Variants in TFDP2 observed in about 807,000 individuals in gnomAD.
The protein encoded by TFDP2 is transcription factor Dp-2, also known as transcription factor Dp-2 (E2F dimerization partner 2).
A neutral mutation model predicts 59.3 loss-of-function variants in TFDP2; 17 were observed. That is an observed-to-expected ratio of 0.29 (90% CI 0.20 to 0.43). The LOEUF is 0.43. Ranked by LOEUF, TFDP2 falls within the 20% of genes least tolerant of loss-of-function variation. The pLI, the probability that TFDP2 is intolerant of heterozygous loss-of-function variation, is 1.00. For missense variants in TFDP2, 391 were observed against 528.8 expected (o/e 0.74, Z 2.56); for synonymous variants, 180 against 194.7 (o/e 0.92, Z 0.63).
chr3:142,059,721 C>T (rs1019554639), intron 3 of TFDP2, among the ~76,000 whole-genome samples: 2 of 152,072 alleles, frequency 1.3e-5, no homozygotes, highest in South Asian at 2.1e-4. Context: ...CTGGGACTAC[C>T]AGCGTCGGCC....
intron 3 of TFDP2, among the ~76,000 whole-genome samples, chr3:142,010,875 C>G (rs1284139518): frequency 3.0e-5 from 4 of 133,118 alleles, no homozygotes; most frequent in African/African-American, 5.5e-5. Flanking sequence ...AAATGCAAAT[C>G]AAAACCACTA....
chr3:142,040,721 C>T (rs1016631266), intron 3 of TFDP2, among the ~76,000 whole-genome samples: 3 of 152,158 alleles, frequency 2.0e-5, no homozygotes, highest in South Asian at 2.1e-4. Context: ...TGAGCCATCA[C>T]GCCCAGCTAA....
At chr3:142,030,844 G>A (rs953967875) in intron 3 of TFDP2, among the ~76,000 whole-genome samples, 1 of 144,366 alleles carries the variant, frequency 6.9e-6, no homozygotes, top group Admixed American at 7.3e-5. Flanking sequence ...CCGGGTTCAC[G>A]CCATTCTCCT....
chr3:141,960,885 T>C (rs1576462556), intron 10 of TFDP2, among the ~76,000 whole-genome samples: 1 of 152,288 alleles, frequency 6.6e-6, no homozygotes, highest in Non-Finnish European at 1.5e-5. Flanking sequence ...ATCACCAAAG[T>C]AACTGAAAGG....
intron 1 of TFDP2, among the ~76,000 whole-genome samples, chr3:142,142,492 G>C (rs1395480438): frequency 2.0e-5 from 3 of 152,212 alleles, no homozygotes; most frequent in Admixed American, 2.0e-4. Context: ...TTCATGGATT[G>C]AAAGAATCAA....
At chr3:142,042,323 C>T (rs951636632) in intron 3 of TFDP2, among the ~76,000 whole-genome samples, 10 of 151,312 alleles carry the variant, frequency 6.6e-5, no homozygotes, top group Non-Finnish European at 2.9e-5. Context: ...GATGAAGTCT[C>T]GCTCTGTCAC....
chr3:142,127,963 AG>A (rs1324052720), intron 1 of TFDP2, among the ~76,000 whole-genome samples: 1 of 151,930 alleles, frequency 6.6e-6, no homozygotes, highest in East Asian at 1.9e-4. Flanking sequence ...TGCTTTGGGA[AG>A]CCAAAGTGGA....
chr3:141,965,457 A>C (rs1435548666), intron 9 of TFDP2, among the ~76,000 whole-genome samples: 6 of 150,910 alleles, frequency 4.0e-5, no homozygotes, highest in African/African-American at 1.2e-4. Flanking sequence ...TGACTGTGCC[A>C]CTACATTCCA....
chr3:142,033,569 G>A (rs1385043150), intron 3 of TFDP2, among the ~76,000 whole-genome samples: 1 of 152,160 alleles, frequency 6.6e-6, no homozygotes, highest in Non-Finnish European at 1.5e-5. Flanking sequence ...GGATCTATAG[G>A]AGGGAAAGAA....
At chr3:142,126,807 C>T (rs1039103965) in intron 1 of TFDP2, among the ~76,000 whole-genome samples, 1 of 151,322 alleles carries the variant, frequency 6.6e-6, no homozygotes, top group Non-Finnish European at 1.5e-5. Flanking sequence ...ATTAGCCAGG[C>T]AGTGGTGGCG....
intron 2 of TFDP2, among the ~76,000 whole-genome samples, chr3:142,095,762 C>G (rs2061140595): frequency 6.6e-6 from 1 of 152,222 alleles, no homozygotes; most frequent in South Asian, 2.1e-4. Flanking sequence ...TAACTCCCCC[C>G]TCCTTTTTAA....
chr3:141,958,203 GCACTGTATTTTAACATCA>G (rs1936929954), intron 11 of TFDP2, among the ~76,000 whole-genome samples: 1 of 152,194 alleles, frequency 6.6e-6, no homozygotes, highest in Admixed American at 6.5e-5. Context: ...GTTCAAAGCA[GCACTGTATTTTAACATCA>G]AGCAATCGGA....
At chr3:142,118,416 T>C (rs192480395) in intron 1 of TFDP2, among the ~76,000 whole-genome samples, 1 of 152,160 alleles carries the variant, frequency 6.6e-6, no homozygotes, top group Non-Finnish European at 1.5e-5. Flanking sequence ...AAAACAACTG[T>C]AACACAATCC....
intron 9 of TFDP2, among the ~76,000 whole-genome samples, chr3:141,968,267 ATTATATATAATATATAACAATATATAT>A (rs1938458571): frequency 7.4e-6 from 1 of 134,794 alleles, no homozygotes; most frequent in African/African-American, 2.8e-5. Flanking sequence ...ATTATATATA[ATTATATATAATATATAACAATATATAT>A]AATATATAAT....
intron 1 of TFDP2, among the ~76,000 whole-genome samples, chr3:142,128,895 T>C (rs2062381545): frequency 7.7e-6 from 1 of 130,290 alleles, no homozygotes; most frequent in African/African-American, 3.0e-5. Flanking sequence ...ATAAATTAAT[T>C]ATAAAAAAGA....
At chr3:141,971,703 A>T (rs548867862) in intron 8 of TFDP2, among the ~76,000 whole-genome samples, 1 of 152,314 alleles carries the variant, frequency 6.6e-6, no homozygotes, top group East Asian at 1.9e-4. Context: ...TCAGGAGAGA[A>T]AGAGAATAGC....
At chr3:142,127,880 T>G (rs1211387342) in intron 1 of TFDP2, among the ~76,000 whole-genome samples, 1 of 152,180 alleles carries the variant, frequency 6.6e-6, no homozygotes, top group Non-Finnish European at 1.5e-5. Flanking sequence ...AAAGTTTGAA[T>G]AAAGTCTTAA....
At chr3:142,098,482 A>T (rs1406451738) in intron 2 of TFDP2, among the ~76,000 whole-genome samples, 2 of 151,846 alleles carry the variant, frequency 1.3e-5, no homozygotes, top group African/African-American at 4.8e-5. Flanking sequence ...TAGTTCTAGT[A>T]AGACAATTAA....
chr3:141,985,983 A>G (rs1942057679), intron 6 of TFDP2, among the ~76,000 whole-genome samples: 6 of 152,244 alleles, frequency 3.9e-5, no homozygotes. Context: ...AGAAACTGGA[A>G]TACTCATACA....
Sources: gnomAD v4.1 joint callset for allele counts (sites outside exome capture counted in the v4.1 genomes callset) on GRCh38, gnomAD v4.1.1 for gene constraint, MANE v1.5 for transcripts, NCBI Gene and HGNC (gene_info 2026-07-23, HGNC 2026-07-21) for gene names.